The following ARID2 variants were observed in gnomAD, a reference collection of about 807,000 sequenced individuals.
ARID2 encodes the protein AT-rich interaction domain 2.
In ARID2, 32 loss-of-function variants were observed where a neutral mutation model predicts 184.6. The ratio of observed to expected loss-of-function variants is 0.17; its 90% CI spans 0.13 to 0.23. The LOEUF (loss-of-function observed/expected upper bound fraction) is 0.23, where lower values mean the gene tolerates loss of function less well. ARID2 is among the 10% of genes least tolerant of loss of function. The pLI is 1.00. For synonymous variants in ARID2, 836 were observed against 772.6 expected (o/e 1.08, Z -1.36); for missense variants, 1,696 against 2,197.6 (o/e 0.77, Z 4.56).
At chr12:45,810,931 C>T (rs1357755370) in intron 3 of ARID2, among the ~76,000 whole-genome samples, 2 of 151,298 alleles carry the variant, frequency 1.3e-5, no homozygotes, top group East Asian at 2.0e-4. Context: ...GCATTGAGGC[C>T]GGGCGCGGTG....
At chr12:45,765,702 T>G (rs927187883) in intron 3 of ARID2, among the ~76,000 whole-genome samples, 1 of 152,192 alleles carries the variant, frequency 6.6e-6, no homozygotes, top group Non-Finnish European at 1.5e-5. Context: ...TTGTACAGTT[T>G]AGCTTTTTGA....
Position 45,799,222 on chromosome 12 carries a change from A to G in ARID2, c.285-12196A>G, listed in dbSNP as rs151171835. On this transcript the variant is annotated intron_variant, in intron 3 of 20. Coordinates refer to ENST00000334344, the MANE Select transcript of ARID2 (RefSeq NM_152641.4). ...GAGCATATGAAACAATGTCTGGCAC[A>G]TAGTAAGTGCTTAATAAGTATTTGT... Among the ~76,000 whole-genome samples the G allele has an allele frequency of 3.9e-4, 60 of 152,300 alleles. 1 individual carries two copies. Among genetic ancestry groups the G allele is most frequent in the Admixed American group, 7.8e-4 (12 of 15,302 alleles).
At chr12:45,755,891 CA>C in intron 3 of ARID2, 1 of 168,902 alleles carries the variant, frequency 5.9e-6, no homozygotes. Flanking sequence ...TTGAAACCTT[CA>C]GAGTTCTTTA....
At chr12:45,826,107 T>A (rs1241299883) in intron 6 of ARID2, among the ~76,000 whole-genome samples, 1 of 152,086 alleles carries the variant, frequency 6.6e-6, no homozygotes, top group Non-Finnish European at 1.5e-5. Flanking sequence ...TAATTTTATA[T>A]TAAGTATTAG....
intron 6 of ARID2, among the ~76,000 whole-genome samples, chr12:45,835,264 AC>A (rs1181119131): frequency 6.6e-6 from 1 of 152,102 alleles, no homozygotes; most frequent in East Asian, 1.9e-4. Flanking sequence ...CTTTGAACTT[AC>A]TATTCATTGT....
At chr12:45,791,732 C>T (rs1029821378) in intron 3 of ARID2, among the ~76,000 whole-genome samples, 1 of 152,136 alleles carries the variant, frequency 6.6e-6, no homozygotes, top group Non-Finnish European at 1.5e-5. Context: ...GTAGGTGGGA[C>T]TCACAGGCGT....
In ARID2 at chr12:45,850,639, G is replaced by A. The variant is rs768544247; in HGVS notation, c.2516G>A (p.Gly839Asp). 1 of 1,614,068 alleles carries A rather than the reference G, an allele frequency of 6.2e-7. No individual in the cohort carries two copies. The highest frequency in any genetic ancestry group is 8.5e-7 in the Non-Finnish European group (1 of 1,179,994). ...VQTSSQQTSAGSQSQDTVIIA... is the reference protein window; with the variant it reads ...VQTSSQQTSADSQSQDTVIIA... ...ACTTCATCTCAACAGACATCAGCTG[G>A]TAGCCAGTCACAAGATACTGTTATC... Residue 839 changes from glycine (G) to aspartate (D), a missense_variant, in exon 15 of 21, where the codon GGT becomes GAT. By Grantham distance (94) the Gly-to-Asp change is moderately conservative. Coordinates refer to ENST00000334344, the MANE Select transcript of ARID2 (RefSeq NM_152641.4).
chr12:45,759,155 T>C (rs1782027833), intron 3 of ARID2, among the ~76,000 whole-genome samples: 1 of 152,166 alleles, frequency 6.6e-6, no homozygotes, highest in African/African-American at 2.4e-5. Flanking sequence ...TTGTACTTTA[T>C]AGAAATTACT....
chr12:45,900,035 C>CTA (rs1258626509), intron 20 of ARID2, among the ~76,000 whole-genome samples: 1 of 151,670 alleles, frequency 6.6e-6, no homozygotes, highest in Non-Finnish European at 1.5e-5. Context: ...GAGCCAAGTG[C>CTA]TATACTATTA....
At chr12:45,762,779 A>G (rs1941705653) in intron 3 of ARID2, among the ~76,000 whole-genome samples, 1 of 152,244 alleles carries the variant, frequency 6.6e-6, no homozygotes, top group Non-Finnish European at 1.5e-5. Flanking sequence ...TAATAGCTAT[A>G]AATGATTAAA....
At chr12:45,738,010 TA>T (rs1258605146) in intron 3 of ARID2, among the ~76,000 whole-genome samples, 3 of 152,180 alleles carry the variant, frequency 2.0e-5, no homozygotes, top group Non-Finnish European at 2.9e-5. Context: ...TAATTTGGAT[TA>T]AAAAAATTAA....
intron 15 of ARID2, among the ~76,000 whole-genome samples, chr12:45,859,363 T>A (rs1170565769): frequency 6.6e-6 from 1 of 152,198 alleles, no homozygotes; most frequent in Non-Finnish European, 1.5e-5. Flanking sequence ...GTAGGCTATA[T>A]CATCTAGGTT....
intron 20 of ARID2, among the ~76,000 whole-genome samples, chr12:45,904,689 CAAAAAAAAAAAAAA>C (rs755707280): frequency 2.8e-5 from 1 of 35,686 alleles, no homozygotes; most frequent in Non-Finnish European, 7.2e-5. Flanking sequence ...GACTCCTTCT[CAAAAAAAAAAAAAA>C]AAAAAAAAAA....
At chr12:45,847,187 TA>T (rs1943458978) in intron 12 of ARID2, among the ~76,000 whole-genome samples, 1 of 152,152 alleles carries the variant, frequency 6.6e-6, no homozygotes, top group Non-Finnish European at 1.5e-5. Context: ...TTACACCATT[TA>T]ACTTTTTTCA....
chr12:45,741,650 T>C (rs1271925235), intron 3 of ARID2, among the ~76,000 whole-genome samples: 3 of 152,214 alleles, frequency 2.0e-5, no homozygotes, highest in Non-Finnish European at 4.4e-5. Flanking sequence ...GCTGGCTCCT[T>C]TATCTTTTTA....
Position 45,907,864 on chromosome 12 carries a change from G to A in ARID2, c.*2786G>A. On this transcript the variant is annotated 3_prime_UTR_variant, in exon 21 of 21. Coordinates refer to ENST00000334344, the MANE Select transcript of ARID2 (RefSeq NM_152641.4). ...TCAATAAATTTTAAGTAACAAAATT[G>A]ATAATCATATAGCGAAGGCATATTT... The A allele has an allele frequency of 4.3e-6, 1 of 231,714 alleles. No homozygotes were observed. The highest frequency in any genetic ancestry group is 6.2e-5 in the East Asian group (1 of 16,258). The allele number at this position is 231,714 out of a possible 1,614,324, so 14.4% of individuals were successfully genotyped here.
At chr12:45,876,515 C>T (rs763671412) in intron 16 of ARID2, among the ~76,000 whole-genome samples, 1 of 149,632 alleles carries the variant, frequency 6.7e-6, no homozygotes, top group Non-Finnish European at 1.5e-5. Flanking sequence ...TGTGCCGTTG[C>T]ACTCCAGCCT....
At chr12:45,874,848 G>T (rs1368511259) in intron 16 of ARID2, among the ~76,000 whole-genome samples, 2 of 152,226 alleles carry the variant, frequency 1.3e-5, no homozygotes, top group Non-Finnish European at 2.9e-5. Flanking sequence ...TTGAGGCCAG[G>T]CACAGTGGCT....
intron 3 of ARID2, among the ~76,000 whole-genome samples, chr12:45,775,560 A>G (rs921914593): frequency 6.6e-6 from 1 of 152,164 alleles, no homozygotes; most frequent in African/African-American, 2.4e-5. Context: ...TACTAGTTTC[A>G]TGGAAGGGAG....
Sources: gnomAD v4.1 joint callset for allele counts (sites outside exome capture counted in the v4.1 genomes callset) on GRCh38, gnomAD v4.1.1 for gene constraint, MANE v1.5 for transcripts, NCBI Gene and HGNC (gene_info 2026-07-23, HGNC 2026-07-21) for gene names.